BRD8: variants seen among roughly 807,000 people sequenced by gnomAD.
BRD8 encodes the protein bromodomain-containing protein 8.
BRD8 carries 67 observed loss-of-function variants against 143.1 expected under a neutral mutation model. The observed-to-expected ratio is 0.47, with a 90% CI of 0.38 to 0.57. BRD8 has a LOEUF of 0.57. Ranked by LOEUF, BRD8 falls within the 20% of genes least tolerant of loss-of-function variation. The pLI is 0.00. For synonymous variants in BRD8, 505 were observed against 517.1 expected, an observed-to-expected ratio of 0.98 and a Z score of 0.32; for missense variants, 1,103 against 1,503.0, an observed-to-expected ratio of 0.73 and a Z score of 4.40.
At chr5:138,165,768 CTGAAAAGAGAAGCCTA>C (rs1753366947) in intron 11 of BRD8, 44 bp downstream of exon 11, 1 of 1,430,308 alleles carries the variant, frequency 7.0e-7, no homozygotes. Flanking sequence ...CAAAGTGAGG[CTGAAAAGAGAAGCCTA>C]TGTAGGACCC....
intron 22 of BRD8, among the ~76,000 whole-genome samples, 169 bp from the exon 23 acceptor site, chr5:138,149,966 T>A (rs977176666): frequency 4.6e-5 from 7 of 152,024 alleles, no homozygotes; most frequent in Admixed American, 4.6e-4. Context: ...AGTTAATGAG[T>A]TCTTGGTAAC....
Position 138,166,743 on chromosome 5 carries a change from G to A in BRD8, c.788-16C>T, listed in dbSNP as rs748648642. The A allele has an allele frequency of 5.7e-5, 85 of 1,501,812 alleles. 1 individual carries two copies. In the South Asian group the frequency reaches 9.2e-4, roughly 16 times the overall value. The allele number at this position is 1,501,812 out of a possible 1,614,324, so 93.0% of individuals were successfully genotyped here. Reference sequence around the variant, plus strand: ...GTGGGAGCACCTAACATATAAAGAGGTACACAAAATGAAGTAAGAAGAAAG... The same window carrying A: ...GTGGGAGCACCTAACATATAAAGAGATACACAAAATGAAGTAAGAAGAAAG... On this transcript the variant is annotated splice_polypyrimidine_tract_variant and intron_variant, in intron 9 of 26. Transcript: ENST00000254900.
At chr5:138,156,112 C>A (rs577588830) in intron 20 of BRD8, among the ~76,000 whole-genome samples, 1 of 150,118 alleles carries the variant, frequency 6.7e-6, no homozygotes, top group African/African-American at 2.4e-5. Flanking sequence ...CTCAAGCAAC[C>A]CTCCCACCTC....
At chr5:138,144,910 A>ATATAT (rs1357478409) in intron 25 of BRD8, among the ~76,000 whole-genome samples, 7 of 143,290 alleles carry the variant, frequency 4.9e-5, no homozygotes, top group African/African-American at 1.9e-4. Context: ...AAAAAAAAAA[A>ATATAT]AAAAAAAAAT....
At chr5:138,164,647 C>G in intron 12 of BRD8, 67 bp downstream of exon 12, 1 of 1,562,382 alleles carries the variant, frequency 6.4e-7, no homozygotes, top group Non-Finnish European at 8.7e-7. Context: ...AACCAAAAAG[C>G]CTAAGCTGTC....
intron 7 of BRD8, among the ~76,000 whole-genome samples, chr5:138,170,142 A>C (rs1190118326): frequency 9.9e-5 from 15 of 152,230 alleles, no homozygotes; most frequent in Admixed American, 9.8e-4. Flanking sequence ...CCTGAAGTTA[A>C]TTTAAGGTCT....
At chr5:138,160,562 G>T (rs1752928775) in intron 18 of BRD8, among the ~76,000 whole-genome samples, 1 of 152,090 alleles carries the variant, frequency 6.6e-6, no homozygotes, top group Non-Finnish European at 1.5e-5. Context: ...GCAGGGAAAA[G>T]GAAAGGAGAA....
intron 2 of BRD8, among the ~76,000 whole-genome samples, chr5:138,174,684 C>G (rs1428806485): frequency 6.6e-6 from 1 of 152,010 alleles, no homozygotes; most frequent in Non-Finnish European, 1.5e-5. Flanking sequence ...TACCAACCCC[C>G]TTCCTTCTTG....
intron 20 of BRD8, chr5:138,156,825 TACACAC>T (rs67288912): frequency 0.014 from 11,552 of 799,306 alleles, 56 homozygotes; most frequent in African/African-American, 0.046. Flanking sequence ...AAGTTTCAAA[TACACAC>T]ACACACACAC....
intron 2 of BRD8, among the ~76,000 whole-genome samples, chr5:138,173,012 G>C (rs1324525697): frequency 2.6e-5 from 4 of 152,174 alleles, no homozygotes; most frequent in African/African-American, 9.7e-5. Context: ...ATAGTAACGG[G>C]AGGAAGACAC....
Position 138,139,847 on chromosome 5 carries a change from G to A in BRD8, c.*227C>T. 2.0e-6 allele frequency: 1 copy of A among 508,404 alleles called. No homozygotes were observed. The highest frequency in any genetic ancestry group is 3.5e-6 in the Non-Finnish European group (1 of 288,402). 31.5% of individuals were successfully genotyped at this position (508,404 alleles called of 1,614,324 possible). ...GGAATTGTCTTTAAATCAAGCCGAT[G>A]GAACAAAGATGTGGGCAACATTTAT... On this transcript the variant is annotated 3_prime_UTR_variant, in exon 27 of 27. Coordinates refer to ENST00000254900, the MANE Select transcript of BRD8 (RefSeq NM_139199.2).
At chr5:138,143,878 G>C (rs191770032) in intron 25 of BRD8, among the ~76,000 whole-genome samples, 5 of 152,194 alleles carry the variant, frequency 3.3e-5, no homozygotes, top group Admixed American at 3.3e-4. Flanking sequence ...AAATCAGCAG[G>C]ATGTGGAGGA....
rs146791453 is a variant in BRD8 at position 138,152,646 on chromosome 5, C to T, written c.2692G>A (p.Val898Met). The T allele has an allele frequency of 1.9e-6, 3 of 1,614,224 alleles. No homozygotes were observed. The highest frequency in any genetic ancestry group is 4.5e-5 in the East Asian group (2 of 44,886). Reference sequence around the variant, plus strand: ...TCCTCAGTTTCCCTCCAGTTGCCCACATCAAGATCCAGACTGGAGTCCCAT... The same window carrying T: ...TCCTCAGTTTCCCTCCAGTTGCCCATATCAAGATCCAGACTGGAGTCCCAT... ...SSWDSSLDLDVGNWRETEDPE... is the reference protein window; with the variant it reads ...SSWDSSLDLDMGNWRETEDPE... Residue 898 changes from valine to methionine, a missense_variant, in exon 21 of 27, where the codon GTG becomes ATG. Physicochemically the swap from Val to Met is conservative, Grantham distance 21 (BLOSUM62 1). Transcript: ENST00000254900.
chr5:138,170,559 G>C, intron 6 of BRD8, 150 bp from the exon 7 acceptor site: 1 of 869,682 alleles, frequency 1.1e-6, no homozygotes, highest in Non-Finnish European at 2.0e-6. Flanking sequence ...CAGTGAATTG[G>C]GGTATACTGC....
rs769998471 is a variant in BRD8 at position 138,171,065 on chromosome 5, A to G, written c.332T>C (p.Val111Ala). 6.2e-7 allele frequency: 1 copy of G among 1,613,764 alleles called. No individual in the cohort carries two copies. Among genetic ancestry groups the G allele is most frequent in the Admixed American group, 1.7e-5 (1 of 59,982 alleles). Residue 111 changes from valine to alanine, a missense_variant, in exon 5 of 27, where the codon GTG becomes GCG. By Grantham distance (64) the Val-to-Ala change is moderately conservative. Around this residue, in one of 7 missense-constraint regions of BRD8, gnomAD observed 334 missense variants for 372.5 expected, o/e 0.90. Coordinates refer to ENST00000254900, the MANE Select transcript of BRD8 (RefSeq NM_139199.2). ...ATATCTCTCCTGGGTTTCCTTTATC[A>G]CTTTCTTTAGTTCTTCAACTCGCTC... ...TAERVEELKKVIKETQERYRR... is the reference protein window; with the variant it reads ...TAERVEELKKAIKETQERYRR...
chr5:138,142,759 CA>C (rs35529846), intron 25 of BRD8, among the ~76,000 whole-genome samples: 31,954 of 83,894 alleles, frequency 0.38, 3,699 homozygotes, highest in South Asian at 0.45. Context: ...AAGACTGTCT[CA>C]AAAAAAAAAA....
chr5:138,143,796 A>G (rs1032344424), intron 25 of BRD8, among the ~76,000 whole-genome samples: 3 of 151,634 alleles, frequency 2.0e-5, no homozygotes, highest in African/African-American at 7.3e-5. Context: ...TAAACGCACC[A>G]ATCAGCACTC....
chr5:138,164,052 A>G, intron 14 of BRD8, 35 bp downstream of exon 14: 1 of 1,599,696 alleles, frequency 6.3e-7, no homozygotes. Context: ...AAATCTAATC[A>G]CATGGCAAGA....
At position 138,164,901 on chromosome 5, in the gene BRD8, G is replaced by A. The variant is rs1362282546; in HGVS notation, c.1544C>T (p.Pro515Leu). Reference sequence around the variant, plus strand: ...TTCGGCTCCTGAAATGACTGGCTCTGGTTCTGCAGGTTCCACCTTGATCTC... The same window carrying A: ...TTCGGCTCCTGAAATGACTGGCTCTAGTTCTGCAGGTTCCACCTTGATCTC... ...SAEIKVEPAEPEPVISGAEIV... is the reference protein window; with the variant it reads ...SAEIKVEPAELEPVISGAEIV... Residue 515 changes from proline to leucine, a missense_variant, in exon 12 of 27, where the codon CCA (proline) becomes CTA (leucine). Coordinates refer to ENST00000254900, the MANE Select transcript of BRD8 (RefSeq NM_139199.2). 7.4e-6 allele frequency: 12 copies of A among 1,614,058 alleles called. No individual in the cohort carries two copies. In the African/African-American group the frequency reaches 1.6e-4, roughly 22 times the overall value.
Sources: allele counts gnomAD v4.1 joint callset (sites outside exome capture counted in the v4.1 genomes callset), GRCh38; gene constraint gnomAD v4.1.1; regional missense constraint gnomAD v4.1.1; transcripts MANE v1.5; gene names NCBI Gene and HGNC (gene_info 2026-07-23, HGNC 2026-07-21).